The following MTMR6 variants were observed in gnomAD, a reference collection of about 807,000 sequenced individuals.
The protein encoded by MTMR6 is phosphatidylinositol-3,5-bisphosphate 3-phosphatase MTMR6.
In MTMR6, 47 loss-of-function variants were observed where a neutral mutation model predicts 80.1. The ratio of observed to expected loss-of-function variants is 0.59; its 90% CI spans 0.46 to 0.75. The LOEUF is 0.75. Among genes scored for constraint, MTMR6 ranks in the 30% least tolerant of loss-of-function variants. The pLI is 0.00. For missense variants in MTMR6, 629 were observed against 730.9 expected, an observed-to-expected ratio of 0.86 and a Z score of 1.61; for synonymous variants, 254 against 253.0, an observed-to-expected ratio of 1.00 and a Z score of -0.04.
rs1409896671 is a variant in MTMR6, at chr13:25,251,598, TC to T, written c.1605+50del. On this transcript the variant is annotated intron_variant, in intron 13 of 13. Coordinates refer to ENST00000381801, the MANE Select transcript of MTMR6 (RefSeq NM_004685.5). This position sits in a 1 kb window ranked among gnomAD's most constrained non-coding sequence, Gnocchi z 4.1. ...ACCAACAATACAAATATTAGTCTAATCGTAAACTAATTTCACATTCCAAATA... is the reference window on the plus strand; with the variant it reads ...ACCAACAATACAAATATTAGTCTAATGTAAACTAATTTCACATTCCAAATA... The T allele has an allele frequency of 7.2e-7, 1 of 1,383,930 alleles. No homozygotes were observed. 85.7% of individuals were successfully genotyped at this position (1,383,930 alleles called of 1,614,324 possible). A position where few individuals can be genotyped will look rare whatever the true frequency, so the allele number is the denominator to read the frequency against.
At chr13:25,249,907 G>GT (rs1341500315) in intron 13 of MTMR6, among the ~76,000 whole-genome samples, 1 of 152,146 alleles carries the variant, frequency 6.6e-6, no homozygotes, top group East Asian at 1.9e-4. Context: ...TTCTTACATG[G>GT]TTTTCCTACA....
chr13:25,285,186 C>A (rs1566046144), intron 1 of MTMR6, among the ~76,000 whole-genome samples: 1 of 152,038 alleles, frequency 6.6e-6, no homozygotes, highest in African/African-American at 2.4e-5. Context: ...TGACAACTTT[C>A]AAAGAGCTAA....
At position 25,261,651 on chromosome 13, in the gene MTMR6, G is replaced by A. The variant is rs1007560758; in HGVS notation, c.726+17C>T. 1 of 1,598,278 alleles carries A rather than the reference G, an allele frequency of 6.3e-7. No homozygotes were observed. On this transcript the variant is annotated intron_variant, in intron 6 of 13. Coordinates refer to ENST00000381801, the MANE Select transcript of MTMR6 (RefSeq NM_004685.5). Reference sequence around the variant, plus strand: ...AATAATTAAACTAGCAGACTGTACTGTATTTAAAATACATACTTTTGGCCT... The same window carrying A: ...AATAATTAAACTAGCAGACTGTACTATATTTAAAATACATACTTTTGGCCT...
At chr13:25,286,914 GC>G (rs200632078) in intron 1 of MTMR6, among the ~76,000 whole-genome samples, 2,083 of 152,324 alleles carry the variant, frequency 0.014, 25 homozygotes, top group Middle Eastern at 0.031. Flanking sequence ...AGTTAAAGGA[GC>G]CCCAATTTTG....
intron 8 of MTMR6, 110 bp from the exon 9 acceptor site, chr13:25,257,431 A>G: frequency 2.4e-6 from 3 of 1,274,446 alleles, no homozygotes; most frequent in Non-Finnish European, 3.2e-6. Context: ...TATGCCTGCA[A>G]TGATAATGTC....
At chr13:25,253,128 T>C (rs1957124834) in intron 11 of MTMR6, among the ~76,000 whole-genome samples, 1 of 152,104 alleles carries the variant, frequency 6.6e-6, no homozygotes, top group African/African-American at 2.4e-5. Flanking sequence ...CAAAAACCCC[T>C]ATCCCCGAAG....
At position 25,253,940 on chromosome 13, in the gene MTMR6, T is replaced by A. The variant is rs1957139389; in HGVS notation, c.1170A>T (p.Pro390=). 1.2e-6 allele frequency: 2 copies of A among 1,614,034 alleles called. No individual in the cohort carries two copies. Among genetic ancestry groups the A allele is most frequent in the Admixed American group, 1.7e-5 (1 of 59,996 alleles). Residue 390 remains proline, a synonymous_variant, in exon 11 of 14, where the codon CCA becomes CCT. Transcript: ENST00000381801. ...GAGTAAACACTGGTGAGACTTCCTT[T>A]GGGTCACCATCCAACTGGCCACACC... ...SERCGQLDGD[P]KEVSPVFTQF... is the part of the protein sequence containing the mutation.
chr13:25,252,862 G>A (rs935987157), intron 11 of MTMR6, among the ~76,000 whole-genome samples: 8 of 151,870 alleles, frequency 5.3e-5, no homozygotes, highest in South Asian at 4.2e-4. Context: ...TTCCCTTTAC[G>A]CATTTTTAGA....
intron 3 of MTMR6, among the ~76,000 whole-genome samples, chr13:25,267,253 A>C (rs1400229761): frequency 6.6e-6 from 1 of 151,834 alleles, no homozygotes; most frequent in Non-Finnish European, 1.5e-5. Context: ...TCTCAAAAAA[A>C]AAAAAAAAAA....
intron 1 of MTMR6, among the ~76,000 whole-genome samples, chr13:25,282,611 CTTTTTTT>C (rs778665309): frequency 6.2e-5 from 8 of 129,126 alleles, no homozygotes; most frequent in Non-Finnish European, 9.3e-5. Context: ...TTTCTTTTTT[CTTTTTTT>C]TTTTTTGAGA....
chr13:25,252,659 C>T (rs771406980), intron 11 of MTMR6, among the ~76,000 whole-genome samples: 2 of 152,174 alleles, frequency 1.3e-5, no homozygotes, highest in African/African-American at 4.8e-5. Flanking sequence ...TCTACTTTTA[C>T]TTCCATCTTT....
At position 25,249,084 on chromosome 13, in the gene MTMR6, G is replaced by A; in HGVS notation, c.*148C>T. Reference sequence around the variant, plus strand: ...TTAAAATGACTTATTTCTCTCACAAGGGTAGTTATTATCCTTCCTTCAACT... The same window carrying A: ...TTAAAATGACTTATTTCTCTCACAAAGGTAGTTATTATCCTTCCTTCAACT... On this transcript the variant is annotated 3_prime_UTR_variant, in exon 14 of 14. Coordinates refer to ENST00000381801, the MANE Select transcript of MTMR6 (RefSeq NM_004685.5). 1 of 726,390 alleles carries A rather than the reference G, an allele frequency of 1.4e-6. No homozygotes were observed. 45.0% of individuals were successfully genotyped at this position (726,390 alleles called of 1,614,324 possible).
At chr13:25,278,315 G>C (rs149708322) in intron 1 of MTMR6, among the ~76,000 whole-genome samples, 1 of 152,150 alleles carries the variant, frequency 6.6e-6, no homozygotes, top group South Asian at 2.1e-4. Context: ...AACTGCTACC[G>C]GGTGTGGTGG....
intron 13 of MTMR6, among the ~76,000 whole-genome samples, chr13:25,250,390 A>G (rs1957058314): frequency 6.6e-6 from 1 of 152,206 alleles, no homozygotes; most frequent in African/African-American, 2.4e-5. Context: ...GGAAAAGACA[A>G]TAGGCTGGAC....
At chr13:25,268,945 C>T (rs1957511143) in intron 2 of MTMR6, among the ~76,000 whole-genome samples, 1 of 152,252 alleles carries the variant, frequency 6.6e-6, no homozygotes, top group South Asian at 2.1e-4. Flanking sequence ...TCCCAACTCC[C>T]ACTGCCTGTT....
chr13:25,274,333 A>G (rs983273027), intron 1 of MTMR6, 146 bp from the exon 2 acceptor site: 6 of 554,938 alleles, frequency 1.1e-5, no homozygotes, highest in South Asian at 2.4e-5. Flanking sequence ...TAAATTCCAT[A>G]TATCTTTTTG....
rs1324904211 is a variant in MTMR6 at position 25,247,489 on chromosome 13, A to G, written c.*1743T>C. 2 of 152,502 alleles carry G rather than the reference A, an allele frequency of 1.3e-5. No individual in the cohort carries two copies. The highest frequency in any genetic ancestry group is 3.8e-4 in the East Asian group (2 of 5,196). The allele number at this position is 152,502 out of a possible 1,614,324, so 9.4% of individuals were successfully genotyped here. On this transcript the variant is annotated 3_prime_UTR_variant, in exon 14 of 14. Transcript: ENST00000381801. ...TATATGTCTGAAGTTGAAGATTAAGATAATAAACCAGAGTTGAATACAAGA... is the reference window on the plus strand; with the variant it reads ...TATATGTCTGAAGTTGAAGATTAAGGTAATAAACCAGAGTTGAATACAAGA...
chr13:25,287,158 G>C, intron 1 of MTMR6, 66 bp downstream of exon 1: 1 of 1,551,074 alleles, frequency 6.4e-7, no homozygotes, highest in Non-Finnish European at 8.7e-7. Flanking sequence ...CAGAGCCTTC[G>C]TCTCCTCCTG....
At chr13:25,261,536 A>T in intron 6 of MTMR6, 132 bp downstream of exon 6, 1 of 739,784 alleles carries the variant, frequency 1.4e-6, no homozygotes, top group Non-Finnish European at 2.0e-6. Flanking sequence ...TGATTTCCTT[A>T]GTATCATTAG....
Sources: allele counts gnomAD v4.1 joint callset (sites outside exome capture counted in the v4.1 genomes callset), GRCh38; gene constraint gnomAD v4.1.1; non-coding constraint Gnocchi (gnomAD v3.1); transcripts MANE v1.5; gene names NCBI Gene and HGNC (gene_info 2026-07-23, HGNC 2026-07-21).